Variants in SFMBT2 observed in about 807,000 individuals in gnomAD.
The protein encoded by SFMBT2 is Scm like with four mbt domains 2.
A neutral mutation model predicts 110.1 loss-of-function variants in SFMBT2; 38 were observed. That is an observed-to-expected ratio of 0.35 (90% CI 0.27 to 0.45). The LOEUF is 0.45. Among genes scored for constraint, SFMBT2 ranks in the 20% least tolerant of loss-of-function variants. The probability of loss-of-function intolerance (pLI) is 1.00; values close to 1 mark genes in which losing one functional copy is unlikely to be tolerated. For missense variants in SFMBT2, 1,011 were observed against 1,094.9 expected (o/e 0.92, Z 1.08); for synonymous variants, 425 against 425.4 (o/e 1.00, Z 0.01).
At chr10:7,323,450 C>CAAAAAAAAAAAAAAAAAAAACAA (rs1388420156) in intron 4 of SFMBT2, among the ~76,000 whole-genome samples, 1 of 22,906 alleles carries the variant, frequency 4.4e-5, no homozygotes, top group African/African-American at 1.7e-4. Flanking sequence ...GACTCCATCT[C>CAAAAAAAAAAAAAAAAAAAACAA]AAAAAAAAAA....
chr10:7,263,783 T>C (rs796228296), intron 7 of SFMBT2, among the ~76,000 whole-genome samples: 9 of 152,354 alleles, frequency 5.9e-5, no homozygotes, highest in East Asian at 1.9e-4. Context: ...CCAGTCACCA[T>C]AGAAACTGCA....
At chr10:7,194,137 C>T (rs1488256770) in intron 15 of SFMBT2, among the ~76,000 whole-genome samples, 2 of 152,180 alleles carry the variant, frequency 1.3e-5, no homozygotes, top group African/African-American at 4.8e-5. Context: ...CACGCCAAGG[C>T]CTGCTTCGTT....
rs143040875 is a variant in SFMBT2, at chr10:7,342,679, G to A, written c.436+24970C>T. On this transcript the variant is annotated intron_variant, in intron 4 of 20. Transcript: ENST00000397167. ...CCCAAAGTGCTGGGATTACAGGCGTGAGCCACCACGCCCGGCCTGGAGTGA... is the reference window on the plus strand; with the variant it reads ...CCCAAAGTGCTGGGATTACAGGCGTAAGCCACCACGCCCGGCCTGGAGTGA... Among the ~76,000 whole-genome samples the A allele has an allele frequency of 2.9e-3, 441 of 152,118 alleles. 9 individuals carry two copies. In the East Asian group the frequency reaches 0.05, roughly 17 times the overall value.
At chr10:7,179,391 GA>G (rs57497418) in intron 16 of SFMBT2, among the ~76,000 whole-genome samples, 3,705 of 70,396 alleles carry the variant, frequency 0.053, 163 homozygotes, top group African/African-American at 0.16. Context: ...TTGCATTTTC[GA>G]AAAAAAAAAA....
intron 4 of SFMBT2, among the ~76,000 whole-genome samples, chr10:7,304,674 A>T (rs934836601): frequency 6.6e-6 from 1 of 152,214 alleles, no homozygotes; most frequent in African/African-American, 2.4e-5. Flanking sequence ...AACTATGCCT[A>T]AATATCCTAT....
intron 12 of SFMBT2, chr10:7,203,721 T>C (rs571720989): frequency 2.0e-6 from 2 of 977,292 alleles, no homozygotes; most frequent in East Asian, 1.1e-4. Flanking sequence ...CTGCAGCTTT[T>C]TTTTTGTGAG....
intron 2 of SFMBT2, chr10:7,370,664 T>C (rs1368150328): frequency 5.5e-6 from 1 of 180,650 alleles, no homozygotes; most frequent in African/African-American, 2.4e-5. Context: ...ATTTGCTACA[T>C]GTTCGTGTAA....
chr10:7,341,132 T>C (rs1843888522), intron 4 of SFMBT2, among the ~76,000 whole-genome samples: 1 of 152,218 alleles, frequency 6.6e-6, no homozygotes, highest in African/African-American at 2.4e-5. Context: ...TACTCCAGTA[T>C]TAGCATGGAA....
At chr10:7,250,201 T>C (rs745522432) in intron 7 of SFMBT2, among the ~76,000 whole-genome samples, 2 of 152,206 alleles carry the variant, frequency 1.3e-5, no homozygotes, top group South Asian at 2.1e-4. Flanking sequence ...GTAGTGAACA[T>C]AGTACCCAAT....
chr10:7,201,313 T>C (rs1052863328), intron 13 of SFMBT2, among the ~76,000 whole-genome samples: 1 of 152,228 alleles, frequency 6.6e-6, no homozygotes, highest in Admixed American at 6.5e-5. Context: ...ATTTTGAGGA[T>C]GGGGCCCAGC....
chr10:7,215,418 T>C (rs1432323504), intron 11 of SFMBT2: 1 of 456,344 alleles, frequency 2.2e-6, no homozygotes, highest in Non-Finnish European at 2.9e-6. Context: ...AACAAAAATA[T>C]ACAGAACATC....
chr10:7,381,930 C>A lies in SFMBT2; in HGVS notation c.-32G>T. 6.6e-7 allele frequency: 1 copy of A among 1,521,304 alleles called. No homozygotes were observed. The allele number at this position is 1,521,304 out of a possible 1,614,324, so 94.2% of individuals were successfully genotyped here. ...TGAGCAAGTGTCTCTTCTCTTAATT[C>A]ATCCTGCAGAAAAAATTACCTAAGA... On this transcript the variant is annotated 5_prime_UTR_variant, in exon 2 of 21. The change abolishes an upstream ATG in the 5' untranslated region. Transcript: ENST00000397167.
At chr10:7,316,759 G>A (rs1259728722) in intron 4 of SFMBT2, among the ~76,000 whole-genome samples, 3 of 152,062 alleles carry the variant, frequency 2.0e-5, no homozygotes, top group African/African-American at 2.4e-5. Context: ...TGCTCACTTC[G>A]AGGATTTCTC....
chr10:7,405,319 A>G (rs1846183169), intron 1 of SFMBT2, among the ~76,000 whole-genome samples: 1 of 152,252 alleles, frequency 6.6e-6, no homozygotes, highest in African/African-American at 2.4e-5. Flanking sequence ...ACAAGATGAC[A>G]TCAGGTGTTT....
chr10:7,380,243 G>C (rs1232481749), intron 2 of SFMBT2, among the ~76,000 whole-genome samples: 1 of 152,186 alleles, frequency 6.6e-6, no homozygotes, highest in Non-Finnish European at 1.5e-5. Flanking sequence ...TGTTTCCAGG[G>C]AGGAACAATG....
intron 4 of SFMBT2, among the ~76,000 whole-genome samples, chr10:7,345,655 C>A (rs1231299411): frequency 6.6e-6 from 1 of 152,216 alleles, no homozygotes; most frequent in Non-Finnish European, 1.5e-5. Context: ...CCGTGCCCAG[C>A]CCAAATATCT....
chr10:7,275,523 A>G (rs4748801), intron 7 of SFMBT2, among the ~76,000 whole-genome samples: 110,221 of 150,680 alleles, frequency 0.73, 40,259 homozygotes, highest in African/African-American at 0.83. Context: ...CAAAGAGGAG[A>G]AGAGAGAAAG....
rs1844940009 is a variant in SFMBT2 at position 7,367,316 on chromosome 10, TG to T, written c.436+332del. 1.3e-5 allele frequency among the ~76,000 whole-genome samples: 2 copies of T among 151,050 alleles called. No homozygotes were observed. The highest frequency in any genetic ancestry group is 1.3e-4 in the Admixed American group (2 of 15,168). The stretch of plus-strand genomic sequence containing the variant: ...CCTTCCTTTCTTACCCTCCAATTCC[TG>T]ATGTCCTTTCAGCCTTCCTTTCTTA... On this transcript the variant is annotated intron_variant, in intron 4 of 20. Transcript: ENST00000397167. This position sits in a 1 kb window ranked among gnomAD's most constrained non-coding sequence, Gnocchi z 6.2.
chr10:7,370,970 T>TCCA (rs1321344923), intron 2 of SFMBT2: 1 of 164,366 alleles, frequency 6.1e-6, no homozygotes, highest in Non-Finnish European at 1.3e-5. Flanking sequence ...TCCCAACTCT[T>TCCA]ACCTACTGCC....
Sources: allele counts gnomAD v4.1 joint callset (sites outside exome capture counted in the v4.1 genomes callset), GRCh38; gene constraint gnomAD v4.1.1; non-coding constraint Gnocchi (gnomAD v3.1); transcripts MANE v1.5; gene names NCBI Gene and HGNC (gene_info 2026-07-23, HGNC 2026-07-21).